The following SYN2 variants were observed in gnomAD, a reference collection of about 807,000 sequenced individuals.
The protein encoded by SYN2 is synapsin-2.
Under a neutral mutation model 50.9 loss-of-function variants are expected in SYN2, and 19 were observed. The observed-to-expected ratio is 0.37, with a 90% CI of 0.26 to 0.55. The LOEUF (loss-of-function observed/expected upper bound fraction) is 0.55, where lower values mean the gene tolerates loss of function less well. SYN2 is among the 20% of genes least tolerant of loss of function. The pLI is 0.81. For missense variants in SYN2, 587 were observed against 576.4 expected (o/e 1.02, Z -0.19); for synonymous variants, 255 against 224.9 (o/e 1.13, Z -1.20).
chr3:12,156,617 C>T (rs1260398064), intron 5 of SYN2, among the ~76,000 whole-genome samples: 1 of 152,168 alleles, frequency 6.6e-6, no homozygotes, highest in Non-Finnish European at 1.5e-5. Context: ...GGTCACTGTA[C>T]TAAGAACTCT....
chr3:12,181,068 C>G (rs987210280), intron 10 of SYN2, among the ~76,000 whole-genome samples: 1 of 152,226 alleles, frequency 6.6e-6, no homozygotes, highest in African/African-American at 2.4e-5. Flanking sequence ...ACACATACGT[C>G]TACCTCCCAA....
At chr3:12,167,652 CAA>C (rs1274738934) in intron 8 of SYN2, among the ~76,000 whole-genome samples, 3 of 151,186 alleles carry the variant, frequency 2.0e-5, no homozygotes, top group Non-Finnish European at 4.4e-5. Context: ...TATAGCAACA[CAA>C]AACAGACTAA....
intron 5 of SYN2, chr3:12,158,812 C>G: frequency 6.3e-7 from 1 of 1,598,714 alleles, no homozygotes; most frequent in Non-Finnish European, 8.5e-7. Flanking sequence ...CAGCACCCAG[C>G]TTGGCGCGGG....
At chr3:12,112,433 C>G (rs1464069510) in intron 1 of SYN2, among the ~76,000 whole-genome samples, 2 of 152,010 alleles carry the variant, frequency 1.3e-5, no homozygotes, top group Non-Finnish European at 2.9e-5. Flanking sequence ...GTACTCAAAC[C>G]CAGCTTATAG....
At chr3:12,092,113 CT>C (rs34633322) in intron 1 of SYN2, among the ~76,000 whole-genome samples, 19,844 of 152,056 alleles carry the variant, frequency 0.13, 1,682 homozygotes, top group Admixed American at 0.23. Context: ...AATATGCTTT[CT>C]TTAACTCTTC....
At chr3:12,169,607 C>T in intron 9 of SYN2, 150 bp from the exon 10 acceptor site, 1 of 856,604 alleles carries the variant, frequency 1.2e-6, no homozygotes, top group Non-Finnish European at 1.8e-6. Context: ...CCTATTTCTG[C>T]AAATGATCAC....
chr3:12,081,616 A>C (rs564207146), intron 1 of SYN2, among the ~76,000 whole-genome samples: 1 of 152,322 alleles, frequency 6.6e-6, no homozygotes, highest in African/African-American at 2.4e-5. Flanking sequence ...AACTTCTGTA[A>C]GTGAACTGAT....
intron 1 of SYN2, among the ~76,000 whole-genome samples, chr3:12,119,193 T>G (rs770028975): frequency 1.3e-5 from 2 of 152,044 alleles, no homozygotes; most frequent in African/African-American, 2.4e-5. Context: ...CTTTTCTGCC[T>G]AAGTGTCAGC....
At chr3:12,070,994 A>G (rs1351972405) in intron 1 of SYN2, 2 of 549,674 alleles carry the variant, frequency 3.6e-6, no homozygotes, top group African/African-American at 1.9e-5. Flanking sequence ...ATTGGCAACA[A>G]GTGGTCCTGG....
At chr3:12,165,214 C>G (rs538080702) in intron 7 of SYN2, 2 of 152,138 alleles carry the variant, frequency 1.3e-5, no homozygotes, top group African/African-American at 4.8e-5. Flanking sequence ...CTCGATCTCC[C>G]GACCTCGTGA....
At chr3:12,174,368 G>T (rs1049044351) in intron 10 of SYN2, among the ~76,000 whole-genome samples, 1 of 151,990 alleles carries the variant, frequency 6.6e-6, no homozygotes, top group African/African-American at 2.4e-5. Context: ...ATTTATGTAG[G>T]CCCCTACCTG....
chr3:12,116,244 T>G (rs1280746002), intron 1 of SYN2, among the ~76,000 whole-genome samples: 2 of 152,200 alleles, frequency 1.3e-5, no homozygotes, highest in South Asian at 4.1e-4. Flanking sequence ...ATTTCTGGAC[T>G]TGAAACTAGG....
chr3:12,166,468 A>G lies in SYN2; in HGVS notation c.981-766A>G, dbSNP rs1697800330. ...CACCCAGCCCATCAAGAGCAAATCC[A>G]GAACCAGAAACCAAGTAATCCACCT... On this transcript the variant is annotated intron_variant, in intron 7 of 12. Coordinates refer to ENST00000621198, the MANE Select transcript of SYN2 (RefSeq NM_133625.6). 2.0e-5 allele frequency among the ~76,000 whole-genome samples: 3 copies of G among 152,266 alleles called. No individual in the cohort carries two copies. The South Asian group carries it at 6.2e-4, about 32-fold the overall frequency.
At chr3:12,125,732 A>G (rs1380822103) in intron 1 of SYN2, among the ~76,000 whole-genome samples, 2 of 152,106 alleles carry the variant, frequency 1.3e-5, no homozygotes, top group Non-Finnish European at 2.9e-5. Flanking sequence ...CAGGATGGAC[A>G]TGGACAAGAA....
chr3:12,089,512 A>G (rs981353586), intron 1 of SYN2, among the ~76,000 whole-genome samples: 1 of 152,190 alleles, frequency 6.6e-6, no homozygotes, highest in African/African-American at 2.4e-5. Flanking sequence ...TTATTTCTCA[A>G]ACATTTAAAG....
intron 11 of SYN2, chr3:12,185,352 T>C (rs1698317676): frequency 2.0e-6 from 2 of 985,674 alleles, no homozygotes; most frequent in African/African-American, 3.5e-5. Flanking sequence ...TTTTCATGTG[T>C]CATTTGTGAG....
intron 11 of SYN2, chr3:12,184,221 A>C (rs965137224): frequency 1.0e-6 from 1 of 985,766 alleles, no homozygotes; most frequent in African/African-American, 1.7e-5. Flanking sequence ...AGATTTTTAA[A>C]AAATGGGGCC....
At chr3:12,143,304 T>G (rs1404929094) in intron 3 of SYN2, among the ~76,000 whole-genome samples, 2 of 152,106 alleles carry the variant, frequency 1.3e-5, no homozygotes, top group Non-Finnish European at 2.9e-5. Context: ...TTTAATAGAT[T>G]GAGGGGATTC....
rs1010152998 is a variant in SYN2 at position 12,168,421 on chromosome 3, G to A, written c.1101G>A (p.Leu367=). The change falls in exon 9 of 13, where the codon CTG becomes CTA. Residue 367 remains leucine, a synonymous_variant. Coordinates refer to ENST00000621198, the MANE Select transcript of SYN2 (RefSeq NM_133625.6). ...CCTGCTCTGAGATGTTTGGCGGCCT[G>A]GACATCTGTGCTGTCAAAGCTGTAC... ...VDTCSEMFGG[L]DICAVKAVHG... 9.3e-6 allele frequency: 15 copies of A among 1,613,966 alleles called. No individual in the cohort carries two copies. Among genetic ancestry groups the A allele is most frequent in the Non-Finnish European group, 1.3e-5 (15 of 1,179,942 alleles).
Sources: gnomAD v4.1 joint callset for allele counts (sites outside exome capture counted in the v4.1 genomes callset) on GRCh38, gnomAD v4.1.1 for gene constraint, MANE v1.5 for transcripts, NCBI Gene and HGNC (gene_info 2026-07-23, HGNC 2026-07-21) for gene names.